The following SEPTIN2 variants were observed in gnomAD, a reference collection of about 807,000 sequenced individuals.
The protein encoded by SEPTIN2 is septin-2.
SEPTIN2 carries 34 observed loss-of-function variants against 46.5 expected under a neutral mutation model. The ratio of observed to expected loss-of-function variants is 0.73; its 90% CI spans 0.56 to 0.97. The LOEUF (loss-of-function observed/expected upper bound fraction) is 0.97. Ranked by LOEUF, SEPTIN2 falls within the 50% of genes least tolerant of loss-of-function variation. The pLI is 0.00. For missense variants in SEPTIN2, 347 were observed against 448.4 expected (o/e 0.77, Z 2.04); for synonymous variants, 175 against 153.4 (o/e 1.14, Z -1.04).
At chr2:241,316,406 C>T (rs2076257708) in intron 1 of SEPTIN2, 3 of 1,151,590 alleles carry the variant, frequency 2.6e-6, no homozygotes, top group East Asian at 2.9e-5. Context: ...TCTAACGGTG[C>T]CATTTCCTCC....
At chr2:241,332,580 A>G (rs1337176710) in intron 3 of SEPTIN2, among the ~76,000 whole-genome samples, 1 of 152,246 alleles carries the variant, frequency 6.6e-6, no homozygotes, top group Non-Finnish European at 1.5e-5. Flanking sequence ...TATGGAAGCC[A>G]GTTTGGTACT....
chr2:241,335,849 C>T (rs769497023), intron 4 of SEPTIN2, 126 bp from the exon 5 acceptor site: 2 of 1,192,590 alleles, frequency 1.7e-6, no homozygotes, highest in Non-Finnish European at 2.5e-6. Flanking sequence ...TCTTAATCCC[C>T]ATGGTATCTT....
At chr2:241,316,514 T>A in intron 1 of SEPTIN2, 1 of 1,522,334 alleles carries the variant, frequency 6.6e-7, no homozygotes, top group East Asian at 2.5e-5. Flanking sequence ...TGTCTGCGGG[T>A]ACCTTCGGCG....
At chr2:241,334,769 T>A (rs778706889) in intron 3 of SEPTIN2, among the ~76,000 whole-genome samples, 9 of 152,242 alleles carry the variant, frequency 5.9e-5, no homozygotes, top group Admixed American at 1.3e-4. Context: ...GCAGAACTGA[T>A]AATTGAAAAC....
chr2:241,328,264 A>G (rs931620935), intron 3 of SEPTIN2, among the ~76,000 whole-genome samples: 13 of 151,538 alleles, frequency 8.6e-5, no homozygotes, highest in African/African-American at 3.2e-4. Flanking sequence ...GCAAAACCCC[A>G]TCTCTACTAA....
chr2:241,316,472 C>T (rs1349123519), intron 1 of SEPTIN2: 4 of 1,517,202 alleles, frequency 2.6e-6, no homozygotes, highest in South Asian at 1.2e-5. Flanking sequence ...GGCTGGATGC[C>T]GTGGATAAGC....
At chr2:241,327,111 C>T (rs886682013) in intron 3 of SEPTIN2, among the ~76,000 whole-genome samples, 1 of 144,046 alleles carries the variant, frequency 6.9e-6, no homozygotes, top group Non-Finnish European at 1.5e-5. Context: ...TTCACAATGT[C>T]TAATGTCTAA....
chr2:241,338,238 C>T (rs1353415282), intron 7 of SEPTIN2, among the ~76,000 whole-genome samples: 2 of 152,152 alleles, frequency 1.3e-5, no homozygotes, highest in African/African-American at 4.8e-5. Context: ...CACCCGCCAG[C>T]AGCTCCTGTG....
At chr2:241,328,869 A>G (rs1237435210) in intron 3 of SEPTIN2, among the ~76,000 whole-genome samples, 1 of 150,264 alleles carries the variant, frequency 6.7e-6, no homozygotes, top group Admixed American at 6.6e-5. Flanking sequence ...AAAAATACAA[A>G]ATTAGCCGGG....
chr2:241,349,736 G>T (rs7593970), intron 11 of SEPTIN2, among the ~76,000 whole-genome samples: 1 of 151,980 alleles, frequency 6.6e-6, no homozygotes, highest in African/African-American at 2.4e-5. Flanking sequence ...CAGGAGAATC[G>T]CTTGAACCCG....
intron 3 of SEPTIN2, among the ~76,000 whole-genome samples, chr2:241,332,478 C>T (rs2079159960): frequency 6.6e-6 from 1 of 152,156 alleles, no homozygotes; most frequent in African/African-American, 2.4e-5. Context: ...ATGCCACTAC[C>T]CAGCCACTAA....
intron 1 of SEPTIN2, chr2:241,318,233 A>G (rs899336212): frequency 6.6e-6 from 1 of 152,236 alleles, no homozygotes; most frequent in African/African-American, 2.4e-5. Context: ...ATATGTGTGC[A>G]CAGGGTTCAG....
intron 3 of SEPTIN2, among the ~76,000 whole-genome samples, chr2:241,331,039 C>T (rs557994369): frequency 4.5e-4 from 69 of 152,192 alleles, no homozygotes; most frequent in African/African-American, 1.2e-3. Flanking sequence ...ATTAGCCGGC[C>T]GTGATGGTGG....
upstream of SEPTIN2, chr2:241,315,758 ACT>A (rs2076070511): frequency 6.6e-6 from 1 of 152,318 alleles, no homozygotes; most frequent in African/African-American, 2.4e-5. Context: ...AACGCGGACG[ACT>A]CTGGGCTTGC....
At chr2:241,340,565 T>C (rs71430328) in intron 7 of SEPTIN2, among the ~76,000 whole-genome samples, 5 of 152,162 alleles carry the variant, frequency 3.3e-5, no homozygotes, top group Admixed American at 6.5e-5. Flanking sequence ...ATAAATACTT[T>C]AGTAATTCCT....
In SEPTIN2 at chr2:241,335,916, C is replaced by T. The variant is rs758575347; in HGVS notation, c.218-59C>T. 9 of 1,612,500 alleles carry T rather than the reference C, an allele frequency of 5.6e-6. No homozygotes were observed. In the East Asian group the frequency reaches 8.9e-5, roughly 16 times the overall value. On this transcript the variant is annotated intron_variant, in intron 4 of 12. Transcript: ENST00000391971. The stretch of plus-strand genomic sequence containing the variant: ...ACTCTGAAGTCACCTGTCGTAAGAA[C>T]GTGAGCTTTCCTCTTCACATGCTGC...
chr2:241,339,030 A>G (rs2080870395), intron 7 of SEPTIN2, among the ~76,000 whole-genome samples: 1 of 118,810 alleles, frequency 8.4e-6, no homozygotes, highest in South Asian at 2.4e-4. Context: ...TTATATTTAT[A>G]TACATATTAT....
In SEPTIN2 at chr2:241,335,917, G is replaced by A. The variant is rs778051298; in HGVS notation, c.218-58G>A. On this transcript the variant is annotated intron_variant, in intron 4 of 12. Coordinates refer to ENST00000391971, the MANE Select transcript of SEPTIN2 (RefSeq NM_004404.5). ...CTCTGAAGTCACCTGTCGTAAGAAC[G>A]TGAGCTTTCCTCTTCACATGCTGCT... 13 of 1,612,816 alleles carry A rather than the reference G, an allele frequency of 8.1e-6. 1 individual carries two copies. In the South Asian group the frequency reaches 9.9e-5, roughly 12 times the overall value.
chr2:241,330,025 G>A (rs1158286897), intron 3 of SEPTIN2, among the ~76,000 whole-genome samples: 1 of 152,202 alleles, frequency 6.6e-6, no homozygotes, highest in East Asian at 1.9e-4. Context: ...AATAAATTAT[G>A]CTTCTAAGAG....
Sources: allele counts gnomAD v4.1 joint callset (sites outside exome capture counted in the v4.1 genomes callset), GRCh38; gene constraint gnomAD v4.1.1; transcripts MANE v1.5; gene names NCBI Gene and HGNC (gene_info 2026-07-23, HGNC 2026-07-21).